The following C19orf18 variants were observed in gnomAD, a reference collection of about 807,000 sequenced individuals.
C19orf18 encodes chromosome 19 open reading frame 18.
In C19orf18, 21 loss-of-function variants were observed where a neutral mutation model predicts 23.3. That is an observed-to-expected ratio of 0.90 (90% CI 0.64 to 1.30). The LOEUF (loss-of-function observed/expected upper bound fraction) is 1.30. Among genes scored for constraint, C19orf18 ranks in the 50% most tolerant of loss-of-function variants. The probability of loss-of-function intolerance (pLI) is 0.00; values close to 1 mark genes in which losing one functional copy is unlikely to be tolerated. For missense variants in C19orf18, 249 were observed against 259.6 expected (o/e 0.96, Z 0.28); for synonymous variants, 96 against 95.2 (o/e 1.01, Z -0.05).
intron 1 of C19orf18, 36 bp downstream of exon 1, chr19:57,974,276 C>A: frequency 6.2e-7 from 1 of 1,613,596 alleles, no homozygotes. Flanking sequence ...CTTTTCAATT[C>A]TCCCTGAGTC....
Position 57,959,663 on chromosome 19 carries a change from A to T in C19orf18, c.533-946T>A, listed in dbSNP as rs571405873. On this transcript the variant is annotated intron_variant, in intron 5 of 5. Transcript: ENST00000314391. ...AAACAAAAATGAGCCCGGCATAGTG[A>T]CATGCACCGTAGTCCCAGCAACTCA... Among the ~76,000 whole-genome samples, 7 of 151,670 alleles carry T rather than the reference A, an allele frequency of 4.6e-5. No individual in the cohort carries two copies. The East Asian group carries it at 1.4e-3, about 30-fold the overall frequency.
intron 4 of C19orf18, among the ~76,000 whole-genome samples, chr19:57,961,932 C>T (rs2072875855): frequency 6.8e-6 from 1 of 147,224 alleles, no homozygotes; most frequent in South Asian, 2.2e-4. Context: ...CTCTTTCCTT[C>T]CTCCCTCCCT....
chr19:57,974,377 T>C lies in C19orf18; in HGVS notation c.56A>G (p.Gln19Arg). The C allele has an allele frequency of 6.2e-7, 1 of 1,614,104 alleles. No homozygotes were observed. Among genetic ancestry groups the C allele is most frequent in the Non-Finnish European group, 8.5e-7 (1 of 1,179,980 alleles). The change falls in exon 1 of 6, where the codon CAA becomes CGA. Residue 19 changes from glutamine to arginine, a missense_variant. Transcript: ENST00000314391. ...TGCATACGGCAAGCATAAATGAAGTTGGCATTCCATTAAAAACAAAAACAA... is the reference window on the plus strand; with the variant it reads ...TGCATACGGCAAGCATAAATGAAGTCGGCATTCCATTAAAAACAAAAACAA... ...LILFLFLMEC[Q>R]LHLCLPYADG...
At chr19:57,973,143 C>G (rs1440857339) in intron 2 of C19orf18, among the ~76,000 whole-genome samples, 2 of 53,838 alleles carry the variant, frequency 3.7e-5, no homozygotes, top group Non-Finnish European at 6.4e-5. Flanking sequence ...GAGACTCCGT[C>G]TCAAAAAAAA....
chr19:57,974,011 G>T, intron 2 of C19orf18, 88 bp downstream of exon 2: 1 of 1,296,468 alleles, frequency 7.7e-7, no homozygotes, highest in Non-Finnish European at 1.1e-6. Context: ...CTTTCTACCA[G>T]CAAGCACACA....
Position 57,966,680 on chromosome 19 carries a change from CTA to C in C19orf18, c.269-50_269-49del, listed in dbSNP as rs750670987. ...AAGTGCTCAAAAATGTTCATTTTAG[CTA>C]TGTCTTTCAGTTAATATATTTGTCC... On this transcript the variant is annotated intron_variant, in intron 3 of 5. Transcript: ENST00000314391. 297 of 1,307,948 alleles carry C rather than the reference CTA, an allele frequency of 2.3e-4. 4 individuals are homozygous for C. In the South Asian group the frequency reaches 2.4e-3, roughly 11 times the overall value. The allele number at this position is 1,307,948 out of a possible 1,614,324, so 81.0% of individuals were successfully genotyped here.
intron 4 of C19orf18, among the ~76,000 whole-genome samples, chr19:57,965,538 G>A (rs2072902121): frequency 6.6e-6 from 1 of 152,198 alleles, no homozygotes; most frequent in Non-Finnish European, 1.5e-5. Flanking sequence ...CTGAGGTCTG[G>A]AGTTCGAGAC....
intron 4 of C19orf18, among the ~76,000 whole-genome samples, chr19:57,962,817 A>G (rs916758595): frequency 6.6e-6 from 1 of 151,534 alleles, no homozygotes; most frequent in South Asian, 2.1e-4. Flanking sequence ...AGATGGTGCC[A>G]TTGCACTCCA....
intron 2 of C19orf18, among the ~76,000 whole-genome samples, chr19:57,973,651 G>A (rs1426975054): frequency 1.3e-5 from 2 of 151,784 alleles, no homozygotes; most frequent in African/African-American, 2.4e-5. Flanking sequence ...TGTGAACCCA[G>A]GAGGTGGAGC....
Position 57,966,273 on chromosome 19 carries a change from G to A in C19orf18, c.371+257C>T, listed in dbSNP as rs916173161. On this transcript the variant is annotated intron_variant, in intron 4 of 5. Coordinates refer to ENST00000314391, the MANE Select transcript of C19orf18 (RefSeq NM_152474.5). ...ATTACAAGCGTGAGCCACCATGCCC[G>A]GCGTAATATTTTCTAATATTTTCTA... 1.1e-4 allele frequency among the ~76,000 whole-genome samples: 17 copies of A among 152,100 alleles called. No individual in the cohort carries two copies. The East Asian group carries it at 2.5e-3, about 22-fold the overall frequency.
chr19:57,973,194 G>GAGCCAGGC (rs1270679488), intron 2 of C19orf18, among the ~76,000 whole-genome samples: 1 of 124,162 alleles, frequency 8.1e-6, no homozygotes. Flanking sequence ...AAGGATCAGA[G>GAGCCAGGC]AGCCAGGCAG....
intron 4 of C19orf18, among the ~76,000 whole-genome samples, chr19:57,965,855 C>T (rs1188056231): frequency 2.0e-5 from 3 of 152,072 alleles, no homozygotes; most frequent in African/African-American, 4.8e-5. Flanking sequence ...GATCATGACT[C>T]CCAGTAAGAA....
Position 57,974,365 on chromosome 19 carries a change from C to G in C19orf18, c.68G>C (p.Cys23Ser). The G allele has an allele frequency of 6.2e-7, 1 of 1,613,770 alleles. No homozygotes were observed. Among genetic ancestry groups the G allele is most frequent in the Non-Finnish European group, 8.5e-7 (1 of 1,179,830 alleles). ...LFLMECQLHL[C>S]LPYADGLHPT... is the part of the protein sequence containing the mutation. ...ATGGAGTCCATCTGCATACGGCAAGCATAAATGAAGTTGGCATTCCATTAA... is the reference window on the plus strand; with the variant it reads ...ATGGAGTCCATCTGCATACGGCAAGGATAAATGAAGTTGGCATTCCATTAA... Residue 23 changes from cysteine (C) to serine (S), a missense_variant, in exon 1 of 6, where the codon TGC (cysteine) becomes TCC (serine). Transcript: ENST00000314391.
In C19orf18 at chr19:57,966,622, C is replaced by A. The variant is rs1447600430; in HGVS notation, c.279G>T (p.Arg93=). ...TTACTTTAACAAGAGCAGGTCTATG[C>A]CGAATTATTGCTAAAAAGAAAGAAA... ...MKFLRNKAII[R]HRPALVKVIL... The change falls in exon 4 of 6, where the codon CGG becomes CGT. Residue 93 remains arginine, a synonymous_variant. Transcript: ENST00000314391. 6 of 1,608,478 alleles carry A rather than the reference C, an allele frequency of 3.7e-6. No homozygotes were observed. Among genetic ancestry groups the A allele is most frequent in the Non-Finnish European group, 5.1e-6 (6 of 1,175,726 alleles).
At chr19:57,970,909 T>C (rs1409381012) in intron 3 of C19orf18, among the ~76,000 whole-genome samples, 1 of 152,112 alleles carries the variant, frequency 6.6e-6, no homozygotes, top group Non-Finnish European at 1.5e-5. Context: ...CTATCCTACC[T>C]ACAACTGGGA....
chr19:57,969,364 G>T (rs1313196305), intron 3 of C19orf18, among the ~76,000 whole-genome samples: 1 of 151,434 alleles, frequency 6.6e-6, no homozygotes, highest in Non-Finnish European at 1.5e-5. Context: ...AGACCAGCCT[G>T]GCCAACATGG....
chr19:57,962,985 A>AC (rs1333462386), intron 4 of C19orf18, among the ~76,000 whole-genome samples: 1 of 151,664 alleles, frequency 6.6e-6, no homozygotes, highest in Admixed American at 6.6e-5. Context: ...GTAAGGAGGT[A>AC]CCCCAAACAG....
At chr19:57,961,918 T>C (rs2072875723) in intron 4 of C19orf18, among the ~76,000 whole-genome samples, 1 of 151,878 alleles carries the variant, frequency 6.6e-6, no homozygotes, top group African/African-American at 2.4e-5. Context: ...CTTTCTTCTT[T>C]CCTCTCTTTC....
chr19:57,968,074 G>A (rs1052478498), intron 3 of C19orf18, among the ~76,000 whole-genome samples: 1 of 152,206 alleles, frequency 6.6e-6, no homozygotes, highest in Non-Finnish European at 1.5e-5. Flanking sequence ...AGTTCTGGAG[G>A]CTGGGAAGTC....
Sources: gnomAD v4.1 joint callset for allele counts (sites outside exome capture counted in the v4.1 genomes callset) on GRCh38, gnomAD v4.1.1 for gene constraint, MANE v1.5 for transcripts, NCBI Gene and HGNC (gene_info 2026-07-23, HGNC 2026-07-21) for gene names.